The following EYS variants were observed in gnomAD, a reference collection of about 807,000 sequenced individuals.
The protein encoded by EYS is EGF-like photoreceptor maintenance factor, also known as protein eyes shut homolog.
In EYS, 250 loss-of-function variants were observed where a neutral mutation model predicts 282.1. That is an observed-to-expected ratio of 0.89 (90% confidence interval 0.80 to 0.98). The LOEUF is 0.98. Among genes scored for constraint, EYS ranks in the 50% least tolerant of loss-of-function variants. The pLI, the probability that EYS is intolerant of heterozygous loss-of-function variation, is 0.00. For missense variants in EYS, 4,016 were observed against 3,709.0 expected, an observed-to-expected ratio of 1.08 and a Z score of -2.15; for synonymous variants, 1,355 against 1,282.9, an observed-to-expected ratio of 1.06 and a Z score of -1.20.
intron 22 of EYS, among the ~76,000 whole-genome samples, chr6:64,652,016 T>C (rs1222015038): frequency 6.6e-6 from 1 of 152,210 alleles, no homozygotes; most frequent in Admixed American, 6.5e-5. Flanking sequence ...AATTAGACTT[T>C]AACAACAGGT....
At chr6:63,789,583 C>G (rs958940084) in intron 37 of EYS, among the ~76,000 whole-genome samples, 1 of 152,138 alleles carries the variant, frequency 6.6e-6, no homozygotes, top group African/African-American at 2.4e-5. Flanking sequence ...CGGTAGCTAA[C>G]GAGATTCAAA....
chr6:65,475,973 A>T (rs1481258538), intron 5 of EYS, among the ~76,000 whole-genome samples: 1 of 152,260 alleles, frequency 6.6e-6, no homozygotes, highest in South Asian at 2.1e-4. Context: ...TATCTCAATG[A>T]TATTCTTCAT....
chr6:64,104,348 G>A (rs1772932257), intron 31 of EYS, among the ~76,000 whole-genome samples: 1 of 152,084 alleles, frequency 6.6e-6, no homozygotes. Context: ...CTGGTAGTAG[G>A]AAGGAGAGAG....
At chr6:65,547,357 T>C (rs928192647) in intron 2 of EYS, among the ~76,000 whole-genome samples, 3 of 151,880 alleles carry the variant, frequency 2.0e-5, no homozygotes, top group African/African-American at 7.3e-5. Flanking sequence ...TATTCAAGTG[T>C]TTGCTATCTT....
intron 37 of EYS, among the ~76,000 whole-genome samples, chr6:63,799,020 T>TATAA (rs1437320106): frequency 7.6e-6 from 1 of 132,252 alleles, no homozygotes; most frequent in Non-Finnish European, 1.6e-5. Context: ...TATATATATA[T>TATAA]AATTTTTTTT....
chr6:64,878,710 T>C (rs772803999), intron 19 of EYS, among the ~76,000 whole-genome samples: 4 of 152,054 alleles, frequency 2.6e-5, no homozygotes, highest in Non-Finnish European at 5.9e-5. Flanking sequence ...TAAGAGTGAT[T>C]TTAATAATGA....
chr6:65,655,161 G>A (rs1767776897), intron 1 of EYS, among the ~76,000 whole-genome samples: 1 of 151,302 alleles, frequency 6.6e-6, no homozygotes, highest in African/African-American at 2.4e-5. Flanking sequence ...TAAGTTTCTG[G>A]ATGACATTGA....
intron 2 of EYS, among the ~76,000 whole-genome samples, chr6:65,586,710 TAGAG>T (rs1430730478): frequency 6.6e-6 from 1 of 152,048 alleles, no homozygotes; most frequent in Non-Finnish European, 1.5e-5. Flanking sequence ...TATTTGTTAT[TAGAG>T]AGAATAAAGA....
chr6:64,815,306 TG>T, intron 21 of EYS: 1 of 363,406 alleles, frequency 2.8e-6, no homozygotes, highest in Admixed American at 3.7e-5. Context: ...GGAATAGAAA[TG>T]CAGAATTCCA....
At chr6:63,890,031 T>C (rs57974890) in intron 35 of EYS, among the ~76,000 whole-genome samples, 2 of 152,068 alleles carry the variant, frequency 1.3e-5, no homozygotes, top group Non-Finnish European at 2.9e-5. Context: ...CATTACATAA[T>C]GGTAAAGGAA....
intron 18 of EYS, among the ~76,000 whole-genome samples, chr6:64,901,707 C>A (rs1481179005): frequency 6.6e-6 from 1 of 151,756 alleles, no homozygotes; most frequent in Non-Finnish European, 1.5e-5. Flanking sequence ...TATCTATAAC[C>A]AGTAGAATGA....
At chr6:64,709,447 AT>A in intron 22 of EYS, among the ~76,000 whole-genome samples, 1 of 152,222 alleles carries the variant, frequency 6.6e-6, no homozygotes, top group Admixed American at 6.5e-5. Context: ...CTCTCTTTAT[AT>A]TCTTTTGTAC....
chr6:64,771,138 C>A (rs755278055), intron 22 of EYS, among the ~76,000 whole-genome samples: 19 of 151,612 alleles, frequency 1.3e-4, no homozygotes, highest in Non-Finnish European at 1.8e-4. Context: ...CTTCACTTTT[C>A]CTTCTATGCT....
At chr6:64,700,671 G>A (rs1770751810) in intron 22 of EYS, among the ~76,000 whole-genome samples, 1 of 151,756 alleles carries the variant, frequency 6.6e-6, no homozygotes, top group Non-Finnish European at 1.5e-5. Context: ...AACCCTGGAG[G>A]GGAATTATCT....
At chr6:65,413,545 A>G (rs563984990) in intron 5 of EYS, among the ~76,000 whole-genome samples, 2 of 152,188 alleles carry the variant, frequency 1.3e-5, no homozygotes, top group African/African-American at 4.8e-5. Flanking sequence ...TAATGGAATG[A>G]GTCCTGTGGA....
intron 2 of EYS, among the ~76,000 whole-genome samples, chr6:65,548,199 A>T (rs543459335): frequency 7.2e-6 from 1 of 138,190 alleles, no homozygotes; most frequent in South Asian, 2.5e-4. Context: ...TGACATGATC[A>T]TACTTAATGC....
intron 14 of EYS, among the ~76,000 whole-genome samples, chr6:64,965,977 T>C (rs201940408): frequency 8.8e-4 from 108 of 122,526 alleles, no homozygotes; most frequent in East Asian, 4.4e-3. Context: ...TGTGTGTGTG[T>C]GCGCCTGTGT....
intron 41 of EYS, among the ~76,000 whole-genome samples, chr6:63,729,777 C>G (rs1314910126): frequency 6.6e-6 from 1 of 152,024 alleles, no homozygotes; most frequent in East Asian, 1.9e-4. Flanking sequence ...TTCATGTGCC[C>G]CTGTCTTATA....
intron 30 of EYS, among the ~76,000 whole-genome samples, chr6:64,243,084 C>T (rs1437309428): frequency 6.8e-6 from 1 of 147,162 alleles, no homozygotes; most frequent in African/African-American, 2.5e-5. Context: ...TATATATTTA[C>T]ATATATGTAA....
Sources: allele counts gnomAD v4.1 joint callset (sites outside exome capture counted in the v4.1 genomes callset), GRCh38; gene constraint gnomAD v4.1.1; transcripts MANE v1.5; gene names NCBI Gene and HGNC (gene_info 2026-07-23, HGNC 2026-07-21).